The following SNTG1 variants were observed in gnomAD, a reference collection of about 807,000 sequenced individuals.
SNTG1 encodes gamma-1-syntrophin.
In SNTG1, 39 loss-of-function variants were observed where a neutral mutation model predicts 74.7. The observed-to-expected ratio is 0.52, with a 90% CI of 0.40 to 0.68. The LOEUF (loss-of-function observed/expected upper bound fraction) is 0.68, where lower values mean the gene tolerates loss of function less well. Among genes scored for constraint, SNTG1 ranks in the 30% least tolerant of loss-of-function variants. The pLI is 0.00. For missense variants in SNTG1, 685 were observed against 609.5 expected (o/e 1.12, Z -1.30); for synonymous variants, 254 against 217.1 (o/e 1.17, Z -1.49).
intron 15 of SNTG1, among the ~76,000 whole-genome samples, chr8:50,703,307 C>CT (rs1468735529): frequency 6.6e-6 from 1 of 151,698 alleles, no homozygotes; most frequent in Non-Finnish European, 1.5e-5. Flanking sequence ...TTACAAATTA[C>CT]TTTTTTATTT....
chr8:50,126,933 A>G (rs1268025965), intron 1 of SNTG1, among the ~76,000 whole-genome samples: 1 of 152,170 alleles, frequency 6.6e-6, no homozygotes, highest in African/African-American at 2.4e-5. Flanking sequence ...TCAGGAGCAT[A>G]CAATCTTGGA....
chr8:49,946,162 G>A (rs1330286600), intron 1 of SNTG1, among the ~76,000 whole-genome samples: 1 of 152,064 alleles, frequency 6.6e-6, no homozygotes, highest in Non-Finnish European at 1.5e-5. Flanking sequence ...CTTTCCTAAA[G>A]GTTTATCTTT....
At chr8:50,273,421 G>T (rs2087899866) in intron 2 of SNTG1, among the ~76,000 whole-genome samples, 2 of 151,980 alleles carry the variant, frequency 1.3e-5, no homozygotes, top group African/African-American at 2.4e-5. Flanking sequence ...CTAGGTCTCG[G>T]GTTATATAAA....
intron 17 of SNTG1, among the ~76,000 whole-genome samples, chr8:50,730,082 G>T (rs1048312975): frequency 2.6e-5 from 4 of 151,994 alleles, no homozygotes; most frequent in African/African-American, 4.8e-5. Flanking sequence ...CAGTTTCAGA[G>T]GAGACTGGAA....
chr8:49,944,783 A>T (rs945079737), intron 1 of SNTG1, among the ~76,000 whole-genome samples: 1 of 146,036 alleles, frequency 6.8e-6, no homozygotes, highest in Non-Finnish European at 1.5e-5. Flanking sequence ...TGAATTCATC[A>T]CCTGCAAGAA....
intron 2 of SNTG1, among the ~76,000 whole-genome samples, chr8:50,252,909 G>A (rs1215696370): frequency 6.6e-6 from 1 of 152,058 alleles, no homozygotes; most frequent in African/African-American, 2.4e-5. Context: ...AATACACATG[G>A]CTAACAAGTA....
Position 50,152,457 on chromosome 8 carries a change from A to T in SNTG1, c.-102-20104A>T, listed in dbSNP as rs545188801. The stretch of plus-strand genomic sequence containing the variant: ...GAATTTGATCCTGTCATTATATGTT[A>T]TCTGGTTATTTTGCTTGTTAATTGA... On this transcript the variant is annotated intron_variant, in intron 1 of 18. Transcript: ENST00000642720. Among the ~76,000 whole-genome samples the T allele has an allele frequency of 2.3e-4, 35 of 152,208 alleles. 1 individual carries two copies. Among genetic ancestry groups the T allele is most frequent in the Non-Finnish European group, 3.4e-4 (23 of 68,014 alleles).
chr8:50,048,380 A>C (rs1023457329), intron 1 of SNTG1, among the ~76,000 whole-genome samples: 13 of 152,210 alleles, frequency 8.5e-5, no homozygotes, highest in African/African-American at 1.9e-4. Flanking sequence ...CTTTACATTT[A>C]CTGCTGCTAG....
At chr8:50,096,119 G>A (rs1275671112) in intron 1 of SNTG1, among the ~76,000 whole-genome samples, 1 of 151,984 alleles carries the variant, frequency 6.6e-6, no homozygotes, top group Non-Finnish European at 1.5e-5. Context: ...ATTTGGTTTT[G>A]TTTCCTCTCC....
chr8:50,370,448 A>T (rs891737993), intron 2 of SNTG1, among the ~76,000 whole-genome samples: 1 of 152,176 alleles, frequency 6.6e-6, no homozygotes, highest in African/African-American at 2.4e-5. Flanking sequence ...ACAATGAGCC[A>T]GTAAATTGGA....
intron 2 of SNTG1, among the ~76,000 whole-genome samples, chr8:50,317,923 G>A (rs1457554415): frequency 1.3e-5 from 2 of 151,992 alleles, no homozygotes; most frequent in African/African-American, 4.8e-5. Context: ...TGCAAGCTCC[G>A]CCTCCCGGGT....
intron 2 of SNTG1, among the ~76,000 whole-genome samples, chr8:50,361,805 C>G (rs1017298658): frequency 6.6e-6 from 1 of 152,132 alleles, no homozygotes; most frequent in Non-Finnish European, 1.5e-5. Context: ...GGCTACACAC[C>G]TGTACAGCAC....
intron 18 of SNTG1, among the ~76,000 whole-genome samples, chr8:50,759,454 A>G (rs535450692): frequency 1.3e-5 from 2 of 152,108 alleles, no homozygotes; most frequent in South Asian, 4.1e-4. Flanking sequence ...TCTTTGTTTA[A>G]ATCTTTAATC....
intron 2 of SNTG1, among the ~76,000 whole-genome samples, chr8:50,216,219 G>C (rs2084785414): frequency 6.6e-6 from 1 of 152,114 alleles, no homozygotes; most frequent in Admixed American, 6.6e-5. Context: ...AGGAACATTT[G>C]TAAATGACCT....
chr8:50,339,843 A>C (rs2091266814), intron 2 of SNTG1, among the ~76,000 whole-genome samples: 1 of 151,998 alleles, frequency 6.6e-6, no homozygotes, highest in African/African-American at 2.4e-5. Context: ...TATACTCATT[A>C]AAATGCTCTA....
intron 17 of SNTG1, among the ~76,000 whole-genome samples, chr8:50,733,185 T>C (rs1236697365): frequency 5.3e-5 from 8 of 152,070 alleles, no homozygotes; most frequent in Non-Finnish European, 1.2e-4. Flanking sequence ...ATGTGGAATT[T>C]GGTTTTCTGT....
chr8:50,167,289 GAA>G (rs1180714505), intron 1 of SNTG1, among the ~76,000 whole-genome samples: 1 of 89,018 alleles, frequency 1.1e-5, no homozygotes, highest in Non-Finnish European at 2.5e-5. Flanking sequence ...AATAAAAAAA[GAA>G]AAAAAAAAGA....
At chr8:50,306,846 T>C (rs1289443831) in intron 2 of SNTG1, among the ~76,000 whole-genome samples, 1 of 152,092 alleles carries the variant, frequency 6.6e-6, no homozygotes. Context: ...ATCTCTTTAT[T>C]CTTATGATTA....
intron 1 of SNTG1, among the ~76,000 whole-genome samples, chr8:50,064,321 T>C (rs1820723107): frequency 6.6e-6 from 1 of 152,174 alleles, no homozygotes; most frequent in Admixed American, 6.5e-5. Flanking sequence ...TTGATGTATC[T>C]TTCTATACTT....
Sources: allele counts gnomAD v4.1 joint callset (sites outside exome capture counted in the v4.1 genomes callset), GRCh38; gene constraint gnomAD v4.1.1; transcripts MANE v1.5; gene names NCBI Gene and HGNC (gene_info 2026-07-23, HGNC 2026-07-21).